Variants in PTGR2 observed in about 807,000 individuals in gnomAD.
PTGR2 encodes the protein prostaglandin reductase 2, also known as 15-oxoprostaglandin 13-reductase.
PTGR2 carries 32 observed loss-of-function variants against 43.4 expected under a neutral mutation model. That is an observed-to-expected ratio of 0.74 (90% confidence interval 0.56 to 0.99). PTGR2 has a LOEUF of 0.99. Among genes scored for constraint, PTGR2 ranks in the 50% least tolerant of loss-of-function variants. The pLI, the probability that PTGR2 is intolerant of heterozygous loss-of-function variation, is 0.00. For missense variants in PTGR2, 373 were observed against 420.0 expected (o/e 0.89, Z 0.98); for synonymous variants, 106 against 139.2 (o/e 0.76, Z 1.68).
intron 1 of PTGR2, among the ~76,000 whole-genome samples, chr14:73,856,900 G>A (rs2054360633): frequency 6.6e-6 from 1 of 152,216 alleles, no homozygotes; most frequent in Non-Finnish European, 1.5e-5. Flanking sequence ...GATAAAGTAA[G>A]CAAAGTGATT....
chr14:73,866,946 G>A (rs144401117), intron 3 of PTGR2, among the ~76,000 whole-genome samples: 2,155 of 151,886 alleles, frequency 0.014, 50 homozygotes, highest in African/African-American at 0.048. Context: ...AAAATTAGCC[G>A]GGTGTGGTGG....
chr14:73,862,908 A>G (rs929352858), intron 3 of PTGR2, among the ~76,000 whole-genome samples: 8 of 151,902 alleles, frequency 5.3e-5, no homozygotes, highest in South Asian at 4.2e-4. Context: ...GGGTCTTGCC[A>G]TGTTGCCCAG....
At chr14:73,859,843 C>T (rs1403219464) in intron 2 of PTGR2, among the ~76,000 whole-genome samples, 2 of 148,746 alleles carry the variant, frequency 1.3e-5, no homozygotes, top group African/African-American at 2.5e-5. Context: ...AATTACAAAA[C>T]AATATAGATT....
In PTGR2 at chr14:73,877,325, C is replaced by T. The variant is rs1396001563; in HGVS notation, c.519+157C>T. ...GAGTCTCCAGGCTGGAGTGCAGTGG[C>T]GCAATCTTGGCTCACTGCAACCTCC... On this transcript the variant is annotated intron_variant, in intron 5 of 9. Coordinates refer to ENST00000555661, the MANE Select transcript of PTGR2 (RefSeq NM_001146154.2). 9 of 606,688 alleles carry T rather than the reference C, an allele frequency of 1.5e-5. 1 individual carries two copies. Among genetic ancestry groups the T allele is most frequent in the South Asian group, 7.7e-5 (3 of 38,766 alleles). 37.6% of individuals were successfully genotyped at this position (606,688 alleles called of 1,614,324 possible).
At chr14:73,866,821 T>C (rs952899682) in intron 3 of PTGR2, among the ~76,000 whole-genome samples, 1 of 151,654 alleles carries the variant, frequency 6.6e-6, no homozygotes, top group Non-Finnish European at 1.5e-5. Context: ...GGGTGCGGTG[T>C]CTCACACCTG....
chr14:73,856,787 C>T (rs1216974092), intron 1 of PTGR2, among the ~76,000 whole-genome samples: 1 of 152,186 alleles, frequency 6.6e-6, no homozygotes, highest in Non-Finnish European at 1.5e-5. Flanking sequence ...CCTAATGTCA[C>T]ATTTCTCAGC....
intron 9 of PTGR2, among the ~76,000 whole-genome samples, chr14:73,883,781 C>T (rs958998984): frequency 9.9e-5 from 15 of 152,112 alleles, no homozygotes; most frequent in African/African-American, 3.4e-4. Flanking sequence ...GCCCCATGCC[C>T]GGCCTTCACT....
chr14:73,879,933 T>TA lies in PTGR2; in HGVS notation c.730-112dup, dbSNP rs370186845. On this transcript the variant is annotated intron_variant, in intron 6 of 9. Transcript: ENST00000555661. ...TCTTAAATACCTCTAACAGGTAAAT[T>TA]AAAAAAAAAATCGAACTAGTTGACA... is the stretch of plus-strand genomic sequence containing the variant. 7.6e-3 allele frequency: 6,483 copies of TA among 848,850 alleles called. 14 individuals carry two copies. Among genetic ancestry groups the TA allele is most frequent in the African/African-American group, 0.029 (1,683 of 57,744 alleles). 52.6% of individuals were successfully genotyped at this position (848,850 alleles called of 1,614,324 possible).
chr14:73,879,161 C>T lies in PTGR2; in HGVS notation c.585C>T (p.Leu195=). The T allele has an allele frequency of 6.2e-7, 1 of 1,614,098 alleles. No homozygotes were observed. Among genetic ancestry groups the T allele is most frequent in the African/African-American group, 1.3e-5 (1 of 75,012 alleles). Residue 195 remains leucine, a synonymous_variant, in exon 6 of 10, where the codon CTC becomes CTT. Coordinates refer to ENST00000555661, the MANE Select transcript of PTGR2 (RefSeq NM_001146154.2). Reference sequence around the variant, plus strand: ...GTGGAACACATGAGAAATGCATCCTCTTGACCTCAGAACTGGGCTTTGATG... The same window carrying T: ...GTGGAACACATGAGAAATGCATCCTTTTGACCTCAGAACTGGGCTTTGATG... ...GICGTHEKCI[L]LTSELGFDAA... is the part of the protein sequence containing the mutation.
At chr14:73,879,745 A>C in intron 6 of PTGR2, 1 of 346,408 alleles carries the variant, frequency 2.9e-6, no homozygotes, top group Non-Finnish European at 5.4e-6. Flanking sequence ...GCTGCATCTA[A>C]AATTATTTGC....
Position 73,882,455 on chromosome 14 carries a change from CTTA to C in PTGR2, c.979+22_979+24del, listed in dbSNP as rs1172564175. 6.7e-7 allele frequency: 1 copy of C among 1,486,260 alleles called. No homozygotes were observed. Among genetic ancestry groups the C allele is most frequent in the Non-Finnish European group, 9.4e-7 (1 of 1,066,336 alleles). The allele number at this position is 1,486,260 out of a possible 1,614,324, so 92.1% of individuals were successfully genotyped here. On this transcript the variant is annotated intron_variant, in intron 9 of 9. Transcript: ENST00000555661. ...ACATGGGAGGTAAGATGAATGTAGACTTATTATATACACATGCTCAGCACACAA... is the reference window on the plus strand; with the variant it reads ...ACATGGGAGGTAAGATGAATGTAGACTTATATACACATGCTCAGCACACAA...
intron 1 of PTGR2, among the ~76,000 whole-genome samples, chr14:73,857,238 G>GTTTTTTTTTTTTTTTTTT (rs200670094): frequency 6.9e-6 from 1 of 144,522 alleles, no homozygotes; most frequent in Non-Finnish European, 1.5e-5. Flanking sequence ...AGGAATTTCC[G>GTTTTTTTTTTTTTTTTTT]TTTTTTTTTT....
chr14:73,878,166 T>C (rs1043759247), intron 5 of PTGR2: 1 of 152,136 alleles, frequency 6.6e-6, no homozygotes, highest in Admixed American at 6.5e-5. Flanking sequence ...AAGAATCTTA[T>C]AAAAGTACAT....
intron 3 of PTGR2, among the ~76,000 whole-genome samples, chr14:73,866,975 G>A (rs1222436437): frequency 6.6e-6 from 1 of 151,424 alleles, no homozygotes; most frequent in Admixed American, 6.6e-5. Context: ...TGTAATCCCA[G>A]CTACTCAGGA....
In PTGR2 at chr14:73,881,407, A is replaced by T; in HGVS notation, c.939+115A>T. On this transcript the variant is annotated intron_variant, in intron 8 of 9. Transcript: ENST00000555661. ...TTCATTATAAAAATTCCTACAAAAG[A>T]AAAGTATGCTGAATATTATAAATTA... 6 of 620,626 alleles carry T rather than the reference A, an allele frequency of 9.7e-6. No homozygotes were observed. In the South Asian group the frequency reaches 1.2e-4, roughly 13 times the overall value. The allele number at this position is 620,626 out of a possible 1,614,324, so 38.4% of individuals were successfully genotyped here.
At chr14:73,862,927 T>C (rs2054527453) in intron 3 of PTGR2, among the ~76,000 whole-genome samples, 1 of 152,050 alleles carries the variant, frequency 6.6e-6, no homozygotes, top group African/African-American at 2.4e-5. Context: ...AGGTTGGTCT[T>C]GAACTCCTGG....
chr14:73,863,688 C>T (rs1224412023), intron 3 of PTGR2, among the ~76,000 whole-genome samples: 6 of 151,404 alleles, frequency 4.0e-5, no homozygotes. Flanking sequence ...AATCTCAGCT[C>T]ATTGCAACCT....
chr14:73,862,706 C>A (rs1416722412), intron 3 of PTGR2, among the ~76,000 whole-genome samples: 1 of 152,028 alleles, frequency 6.6e-6, no homozygotes, highest in Non-Finnish European at 1.5e-5. Context: ...CTGTGGACTT[C>A]ATTTTATTAA....
At chr14:73,857,017 A>T (rs914236705) in intron 1 of PTGR2, among the ~76,000 whole-genome samples, 2 of 152,190 alleles carry the variant, frequency 1.3e-5, no homozygotes, top group African/African-American at 4.8e-5. Flanking sequence ...CACGCCTGTA[A>T]TCCCAGCACT....
Sources: allele counts gnomAD v4.1 joint callset (sites outside exome capture counted in the v4.1 genomes callset), GRCh38; gene constraint gnomAD v4.1.1; transcripts MANE v1.5; gene names NCBI Gene and HGNC (gene_info 2026-07-23, HGNC 2026-07-21).